Variants in PDE7B observed in about 807,000 individuals in gnomAD.
The protein encoded by PDE7B is phosphodiesterase 7B.
In PDE7B, 29 loss-of-function variants were observed where a neutral mutation model predicts 56.2. The observed-to-expected ratio is 0.52, with a 90% CI of 0.38 to 0.70. PDE7B has a LOEUF of 0.70. PDE7B is among the 30% of genes least tolerant of loss of function. The pLI, the probability that PDE7B is intolerant of heterozygous loss-of-function variation, is 0.00. For missense variants in PDE7B, 490 were observed against 565.0 expected (o/e 0.87, Z 1.35); for synonymous variants, 197 against 196.9 (o/e 1.00, Z 0.00).
intron 2 of PDE7B, among the ~76,000 whole-genome samples, chr6:136,068,423 C>CTTTTTTTTT (rs33992191): frequency 1.3e-5 from 1 of 79,514 alleles, no homozygotes; most frequent in Non-Finnish European, 2.3e-5. Context: ...ACCAAGATTC[C>CTTTTTTTTT]TTTTTTTTTT....
intron 2 of PDE7B, among the ~76,000 whole-genome samples, chr6:136,053,104 A>C (rs1014693427): frequency 1.6e-4 from 24 of 152,120 alleles, no homozygotes; most frequent in African/African-American, 5.5e-4. Context: ...ACATGTGCAC[A>C]ATGTGCAGGT....
chr6:136,159,274 A>T (rs1017529908), intron 8 of PDE7B, among the ~76,000 whole-genome samples: 2 of 152,190 alleles, frequency 1.3e-5, no homozygotes, highest in African/African-American at 4.8e-5. Flanking sequence ...ATCTGCAAAG[A>T]CTAACATAAG....
At chr6:135,970,051 G>T (rs1016766263) in intron 2 of PDE7B, among the ~76,000 whole-genome samples, 9 of 151,992 alleles carry the variant, frequency 5.9e-5, no homozygotes, top group African/African-American at 1.9e-4. Context: ...GCAATTTATT[G>T]TTTCTGTAAA....
intron 1 of PDE7B, among the ~76,000 whole-genome samples, chr6:135,921,936 A>G (rs1488095530): frequency 4.6e-5 from 7 of 152,172 alleles, no homozygotes; most frequent in African/African-American, 1.7e-4. Context: ...TTACTGGAGT[A>G]GACTGAGAAC....
intron 1 of PDE7B, among the ~76,000 whole-genome samples, chr6:135,935,801 T>C (rs1257941374): frequency 6.6e-6 from 1 of 152,260 alleles, no homozygotes. Context: ...TATTGGATTT[T>C]CTAGCTCTAG....
intron 2 of PDE7B, among the ~76,000 whole-genome samples, chr6:136,031,309 C>G (rs1206813321): frequency 3.3e-5 from 5 of 152,208 alleles, no homozygotes; most frequent in Non-Finnish European, 1.5e-5. Context: ...CAGGTCCCGG[C>G]CAGACTTCTG....
At chr6:136,083,418 A>T (rs980779755) in intron 2 of PDE7B, among the ~76,000 whole-genome samples, 1 of 152,186 alleles carries the variant, frequency 6.6e-6, no homozygotes, top group Admixed American at 6.5e-5. Flanking sequence ...TATAGAAAAA[A>T]AATGGCTTTT....
At chr6:136,117,371 C>A (rs1192158524) in intron 3 of PDE7B, among the ~76,000 whole-genome samples, 1 of 152,170 alleles carries the variant, frequency 6.6e-6, no homozygotes, top group Non-Finnish European at 1.5e-5. Context: ...TGCCATCCCA[C>A]CTTCAACGTT....
chr6:136,038,684 T>C (rs1776367535), intron 2 of PDE7B, among the ~76,000 whole-genome samples: 1 of 152,170 alleles, frequency 6.6e-6, no homozygotes, highest in Admixed American at 6.5e-5. Flanking sequence ...TAGAAATGCA[T>C]CTTGAAATTA....
At chr6:135,943,822 T>C (rs1032837531) in intron 1 of PDE7B, among the ~76,000 whole-genome samples, 3 of 152,198 alleles carry the variant, frequency 2.0e-5, no homozygotes, top group Non-Finnish European at 4.4e-5. Context: ...ATAGTTTGAC[T>C]CTTTATGGTC....
chr6:135,916,388 C>CTTTCT (rs1773942782), intron 1 of PDE7B, among the ~76,000 whole-genome samples: 2 of 83,310 alleles, frequency 2.4e-5, no homozygotes, highest in East Asian at 4.6e-4. Flanking sequence ...CTTTTCTTTT[C>CTTTCT]TTTCTTTTTT....
intron 2 of PDE7B, among the ~76,000 whole-genome samples, chr6:136,080,004 G>A (rs1381556778): frequency 6.6e-6 from 1 of 152,068 alleles, no homozygotes; most frequent in Non-Finnish European, 1.5e-5. Context: ...CTGGGAACTG[G>A]ATCCAAACCA....
Position 136,164,453 on chromosome 6 carries a change from A to G in PDE7B, c.711+8695A>G, listed in dbSNP as rs370074171. ...CAAACCATATCAAGAGCAATTAAAAATATTAAAGGAAGTCTCCTGTAACTG... is the reference window on the plus strand; with the variant it reads ...CAAACCATATCAAGAGCAATTAAAAGTATTAAAGGAAGTCTCCTGTAACTG... On this transcript the variant is annotated intron_variant, in intron 8 of 12. Coordinates refer to ENST00000308191, the MANE Select transcript of PDE7B (RefSeq NM_018945.4). Among the ~76,000 whole-genome samples, 5 of 152,186 alleles carry G rather than the reference A, an allele frequency of 3.3e-5. No homozygotes were observed. In the South Asian group the frequency reaches 6.2e-4, roughly 19 times the overall value.
At chr6:135,959,276 A>T (rs1028799103) in intron 2 of PDE7B, among the ~76,000 whole-genome samples, 1 of 152,192 alleles carries the variant, frequency 6.6e-6, no homozygotes, top group Non-Finnish European at 1.5e-5. Context: ...TTTCAATGAT[A>T]ATCATATACT....
chr6:136,192,494 G>T lies in PDE7B; in HGVS notation c.*654G>T, dbSNP rs1306405073. ...TTATGCCACTTTGGGGCAGAGACTT[G>T]GCATCTTCGCAGTTTAAGAAACCAC... On this transcript the variant is annotated 3_prime_UTR_variant, in exon 13 of 13. Coordinates refer to ENST00000308191, the MANE Select transcript of PDE7B (RefSeq NM_018945.4). 6.6e-6 allele frequency: 1 copy of T among 152,408 alleles called. No homozygotes were observed. Among genetic ancestry groups the T allele is most frequent in the African/African-American group, 2.4e-5 (1 of 41,408 alleles). The allele number at this position is 152,408 out of a possible 1,614,324, so 9.4% of individuals were successfully genotyped here.
chr6:136,025,760 GCTTCATCTCTGCATCTACTAC>G (rs1776139874), intron 2 of PDE7B, among the ~76,000 whole-genome samples: 1 of 152,242 alleles, frequency 6.6e-6, no homozygotes, highest in Non-Finnish European at 1.5e-5. Context: ...TCTGTCTTCA[GCTTCATCTCTGCATCTACTAC>G]CCCAGGACAG....
At chr6:136,184,774 G>A (rs1779118879) in intron 11 of PDE7B, among the ~76,000 whole-genome samples, 1 of 152,178 alleles carries the variant, frequency 6.6e-6, no homozygotes. Context: ...ATTGGAGGAA[G>A]AAAACTAGCT....
chr6:136,119,929 G>C (rs549704489), intron 3 of PDE7B, among the ~76,000 whole-genome samples: 1 of 152,284 alleles, frequency 6.6e-6, no homozygotes, highest in South Asian at 2.1e-4. Flanking sequence ...GTTGGCTCCA[G>C]AGCCGGCTGC....
chr6:136,123,094 C>CCTG (rs1562498583), intron 3 of PDE7B, among the ~76,000 whole-genome samples: 7 of 152,206 alleles, frequency 4.6e-5, no homozygotes, highest in Non-Finnish European at 1.0e-4. Context: ...GGTGCGGTGG[C>CCTG]TAATCCCGCA....
Sources: allele counts gnomAD v4.1 joint callset (sites outside exome capture counted in the v4.1 genomes callset), GRCh38; gene constraint gnomAD v4.1.1; transcripts MANE v1.5; gene names NCBI Gene and HGNC (gene_info 2026-07-23, HGNC 2026-07-21).